The following CFAP57 variants were observed in gnomAD, a reference collection of about 807,000 sequenced individuals.
The protein encoded by CFAP57 is cilia- and flagella-associated protein 57.
A neutral mutation model predicts 146.8 loss-of-function variants in CFAP57; 116 were observed. The observed-to-expected ratio is 0.79, with a 90% CI of 0.68 to 0.92. The LOEUF is 0.92. Ranked by LOEUF, CFAP57 falls within the 40% of genes least tolerant of loss-of-function variation. The probability of loss-of-function intolerance (pLI) is 0.00; values close to 1 mark genes in which losing one functional copy is unlikely to be tolerated. For missense variants in CFAP57, 1,377 were observed against 1,527.2 expected (o/e 0.90, Z 1.64); for synonymous variants, 518 against 552.8 (o/e 0.94, Z 0.88).
chr1:43,254,306 T>C lies in CFAP57; in HGVS notation c.*115T>C. ...CCCTGCAGCACTGACCCCAGCAACC[T>C]CTTTCTCTTGCCCTGGGGAATTTGG... On this transcript the variant is annotated 3_prime_UTR_variant, in exon 23 of 23. Transcript: ENST00000372492. The C allele has an allele frequency of 1.1e-6, 1 of 896,446 alleles. No individual in the cohort carries two copies. The highest frequency in any genetic ancestry group is 1.7e-6 in the Non-Finnish European group (1 of 599,280). 55.5% of individuals were successfully genotyped at this position (896,446 alleles called of 1,614,324 possible).
At chr1:43,231,552 A>G (rs144993685) in intron 18 of CFAP57, among the ~76,000 whole-genome samples, 314 of 152,224 alleles carry the variant, frequency 2.1e-3, no homozygotes, top group African/African-American at 7.3e-3. Context: ...TGCAAAAATG[A>G]ATTTTTAAAA....
At chr1:43,242,224 C>T (rs1172820127) in intron 21 of CFAP57, among the ~76,000 whole-genome samples, 1 of 152,146 alleles carries the variant, frequency 6.6e-6, no homozygotes, top group East Asian at 1.9e-4. Context: ...AGGAATCCAC[C>T]CTAGTCATTC....
In CFAP57 at chr1:43,174,596, T is replaced by A. The variant is rs375651187; in HGVS notation, c.157+1686T>A. ...ACTTTGGGAGGCCAAGGTGGGCAGA[T>A]CACGAGGTCAAGAGATCAAGACCAT... On this transcript the variant is annotated intron_variant, in intron 2 of 22. Coordinates refer to ENST00000372492, the MANE Select transcript of CFAP57 (RefSeq NM_001378189.1). 3.3e-4 allele frequency among the ~76,000 whole-genome samples: 50 copies of A among 152,290 alleles called. No individual in the cohort carries two copies. In the East Asian group the frequency reaches 5.4e-3, roughly 16 times the overall value.
In CFAP57 at chr1:43,232,608, G is replaced by A. The variant is rs1279765893; in HGVS notation, c.3110G>A (p.Arg1037His). Residue 1037 changes from arginine to histidine, a missense_variant, in exon 19 of 23, where the codon CGC becomes CAC. Transcript: ENST00000372492. ...QKLRATDQEM[R>H]RERQKERDLE... Reference sequence around the variant, plus strand: ...CTGAGAGCCACCGATCAGGAGATGCGCAGAGAGAGACAGAAGGTGTGAGGG... The same window carrying A: ...CTGAGAGCCACCGATCAGGAGATGCACAGAGAGAGACAGAAGGTGTGAGGG... The A allele has an allele frequency of 1.4e-5, 21 of 1,543,472 alleles. No individual in the cohort carries two copies. The highest frequency in any genetic ancestry group is 9.8e-5 in the East Asian group (4 of 40,814).
At chr1:43,191,586 CAAAAA>C (rs10672819) in intron 6 of CFAP57, among the ~76,000 whole-genome samples, 2 of 65,054 alleles carry the variant, frequency 3.1e-5, no homozygotes, top group African/African-American at 5.7e-5. Context: ...GACTCCGTCT[CAAAAA>C]AAAAAAAAAA....
Position 43,172,960 on chromosome 1 carries a change from T to C in CFAP57, c.157+50T>C, listed in dbSNP as rs758513230. The C allele has an allele frequency of 2.7e-6, 4 of 1,508,270 alleles. No individual in the cohort carries two copies. The Admixed American group carries it at 5.0e-5, about 19-fold the overall frequency. The allele number at this position is 1,508,270 out of a possible 1,614,324, so 93.4% of individuals were successfully genotyped here. Reference sequence around the variant, plus strand: ...ATACAGGAATGGTATGTGCCACATATAACCCCATAATCCCAGCATGATGAT... The same window carrying C: ...ATACAGGAATGGTATGTGCCACATACAACCCCATAATCCCAGCATGATGAT... On this transcript the variant is annotated intron_variant, in intron 2 of 22. Transcript: ENST00000372492.
At chr1:43,230,062 C>A (rs1443616562) in intron 18 of CFAP57, among the ~76,000 whole-genome samples, 1 of 152,182 alleles carries the variant, frequency 6.6e-6, no homozygotes, top group Non-Finnish European at 1.5e-5. Flanking sequence ...CAAATTTGAC[C>A]TATTTCCCAA....
At chr1:43,187,337 A>G (rs1026405984) in intron 6 of CFAP57, among the ~76,000 whole-genome samples, 1 of 152,242 alleles carries the variant, frequency 6.6e-6, no homozygotes, top group African/African-American at 2.4e-5. Flanking sequence ...AGATATTACA[A>G]TTTTAAGTTT....
At chr1:43,205,712 C>T (rs1644330508) in intron 9 of CFAP57, among the ~76,000 whole-genome samples, 1 of 152,090 alleles carries the variant, frequency 6.6e-6, no homozygotes, top group Non-Finnish European at 1.5e-5. Flanking sequence ...AGAGCTTCTG[C>T]AACATGGGGC....
At chr1:43,196,141 A>G (rs145779392) in intron 6 of CFAP57, among the ~76,000 whole-genome samples, 2 of 152,378 alleles carry the variant, frequency 1.3e-5, no homozygotes, top group East Asian at 3.9e-4. Context: ...TTAAATGCCC[A>G]CTGGAGGTTT....
chr1:43,236,035 G>A (rs1326242684), intron 21 of CFAP57, among the ~76,000 whole-genome samples: 2 of 150,916 alleles, frequency 1.3e-5, no homozygotes, highest in African/African-American at 2.4e-5. Context: ...CCTATGCCCC[G>A]GAGGGTGCTG....
rs547303975 is a variant in CFAP57 at position 43,224,959 on chromosome 1, C to T, written c.2865+755C>T. 5.3e-5 allele frequency among the ~76,000 whole-genome samples: 8 copies of T among 152,322 alleles called. No individual in the cohort carries two copies. The South Asian group carries it at 1.5e-3, about 28-fold the overall frequency. On this transcript the variant is annotated intron_variant, in intron 17 of 22. Transcript: ENST00000372492. ...TCACCTATAAAATGGGGATGATAAC[C>T]ACCTCAAGGGGTCTTGTAAGGATCA...
intron 22 of CFAP57, among the ~76,000 whole-genome samples, chr1:43,250,903 T>C (rs1001440837): frequency 6.6e-6 from 1 of 152,222 alleles, no homozygotes; most frequent in Admixed American, 6.5e-5. Flanking sequence ...CAAATGGAAA[T>C]TCCTTTAAAA....
At position 43,172,828 on chromosome 1, in the gene CFAP57, C is replaced by T. The variant is rs1409240860; in HGVS notation, c.75C>T (p.Phe25=). ...RSHVANNIFY[F]DEQIIIFPSG... ...ACGTGGCCAACAATATCTTCTACTT[C>T]GATGAACAGATCATTATATTTCCTT... The change falls in exon 2 of 23, where the codon TTC becomes TTT. Residue 25 remains phenylalanine, a synonymous_variant. Coordinates refer to ENST00000372492, the MANE Select transcript of CFAP57 (RefSeq NM_001378189.1). 6.2e-7 allele frequency: 1 copy of T among 1,614,056 alleles called. No individual in the cohort carries two copies. The highest frequency in any genetic ancestry group is 8.5e-7 in the Non-Finnish European group (1 of 1,179,938).
chr1:43,175,858 C>T (rs1211407087), intron 2 of CFAP57, among the ~76,000 whole-genome samples: 1 of 145,844 alleles, frequency 6.9e-6, no homozygotes, highest in South Asian at 2.2e-4. Context: ...TTTTTTATAC[C>T]TTACTCTCTC....
chr1:43,251,825 C>T (rs1646332738), intron 22 of CFAP57, among the ~76,000 whole-genome samples: 1 of 152,142 alleles, frequency 6.6e-6, no homozygotes, highest in South Asian at 2.1e-4. Context: ...CCTCGTCTTT[C>T]ATAGAGAGAA....
intron 9 of CFAP57, 30 bp from the exon 10 acceptor site, chr1:43,206,690 C>G: frequency 6.2e-7 from 1 of 1,612,632 alleles, no homozygotes; most frequent in Non-Finnish European, 8.5e-7. Context: ...TGTGTACACT[C>G]TTCACTGGAT....
intron 16 of CFAP57, among the ~76,000 whole-genome samples, chr1:43,223,762 C>G (rs561765418): frequency 5.3e-5 from 8 of 152,258 alleles, no homozygotes; most frequent in Non-Finnish European, 1.0e-4. Flanking sequence ...CTTGGTGTAC[C>G]GGTCTCTGGA....
At chr1:43,226,350 G>A (rs980995120) in intron 17 of CFAP57, among the ~76,000 whole-genome samples, 2 of 152,192 alleles carry the variant, frequency 1.3e-5, no homozygotes, top group Non-Finnish European at 2.9e-5. Context: ...AACATCCAAT[G>A]TGGCTTCTTC....
Sources: gnomAD v4.1 joint callset for allele counts (sites outside exome capture counted in the v4.1 genomes callset) on GRCh38, gnomAD v4.1.1 for gene constraint, MANE v1.5 for transcripts, NCBI Gene and HGNC (gene_info 2026-07-23, HGNC 2026-07-21) for gene names.